PPEF2: variants seen among roughly 807,000 people sequenced by gnomAD.
PPEF2 encodes the protein serine/threonine-protein phosphatase with EF-hands 2.
A neutral mutation model predicts 84.7 loss-of-function variants in PPEF2; 84 were observed. The observed-to-expected ratio is 0.99, with a 90% CI of 0.83 to 1.19. The LOEUF is 1.19. PPEF2 is among the 50% of genes most tolerant of loss of function. PPEF2 has a pLI of 0.00. For missense variants in PPEF2, 924 were observed against 937.5 expected (o/e 0.99, Z 0.19); for synonymous variants, 346 against 345.2 (o/e 1.00, Z -0.03).
chr4:75,865,780 G>A (rs891995890), intron 15 of PPEF2, among the ~76,000 whole-genome samples: 7 of 152,190 alleles, frequency 4.6e-5, no homozygotes, highest in African/African-American at 1.2e-4. Context: ...TTGCACATAC[G>A]TTACATATTT....
chr4:75,866,584 A>G (rs1724137127), intron 14 of PPEF2: 4 of 572,534 alleles, frequency 7.0e-6, no homozygotes, highest in Admixed American at 3.0e-5. Flanking sequence ...AAGTATATAA[A>G]AGTGCCAAAT....
chr4:75,874,099 C>T (rs1393127074), intron 11 of PPEF2, among the ~76,000 whole-genome samples: 1 of 140,824 alleles, frequency 7.1e-6, no homozygotes, highest in Non-Finnish European at 1.5e-5. Flanking sequence ...CAGAGCGAGA[C>T]TCCACCTCAA....
Position 75,867,312 on chromosome 4 carries a change from C to T in PPEF2, c.1756+1G>A. 1 of 1,609,090 alleles carries T rather than the reference C, an allele frequency of 6.2e-7. No homozygotes were observed. The highest frequency in any genetic ancestry group is 8.5e-7 in the Non-Finnish European group (1 of 1,175,868). On this transcript the variant is annotated splice_donor_variant, in intron 14 of 16. Transcript: ENST00000286719. LOFTEE classifies it high-confidence loss of function. ...TGAATCTTTAACTTGATCATTCTTACCGACTTTATCTGCATCATGCTTCTT... is the reference window on the plus strand; with the variant it reads ...TGAATCTTTAACTTGATCATTCTTATCGACTTTATCTGCATCATGCTTCTT...
At chr4:75,889,789 G>A (rs914152132) in intron 5 of PPEF2, among the ~76,000 whole-genome samples, 168 bp downstream of exon 5, 2 of 152,190 alleles carry the variant, frequency 1.3e-5, no homozygotes, top group African/African-American at 4.8e-5. Context: ...ATCAGAACTG[G>A]CTGATTGACT....
At chr4:75,886,118 G>A (rs932540581) in intron 7 of PPEF2, among the ~76,000 whole-genome samples, 1 of 152,134 alleles carries the variant, frequency 6.6e-6, no homozygotes, top group African/African-American at 2.4e-5. Flanking sequence ...TCAGACATTC[G>A]GTGTATGTGC....
At chr4:75,892,788 C>G (rs550404443) in intron 2 of PPEF2, among the ~76,000 whole-genome samples, 1 of 152,246 alleles carries the variant, frequency 6.6e-6, no homozygotes, top group South Asian at 2.1e-4. Context: ...CCTGTGTGGT[C>G]AAGTATTGTT....
intron 13 of PPEF2, among the ~76,000 whole-genome samples, chr4:75,870,868 C>G (rs1724251480): frequency 1.4e-5 from 1 of 69,592 alleles, no homozygotes; most frequent in Admixed American, 1.4e-4. Context: ...AGAATCATCT[C>G]AAAAGCTACC....
rs1042677150 is a variant in PPEF2, at chr4:75,896,274, T to A, written c.52A>T (p.Arg18Ter). 1.9e-6 allele frequency: 3 copies of A among 1,613,982 alleles called. No homozygotes were observed. The highest frequency in any genetic ancestry group is 1.7e-5 in the Admixed American group (1 of 60,006). ...TTGGAAAGTGGGAAACACGTACCTCTCTCTGCATTCTGGAAAGCAAAATGA... is the reference window on the plus strand; with the variant it reads ...TTGGAAAGTGGGAAACACGTACCTCACTCTGCATTCTGGAAAGCAAAATGA... ...QHHFAFQNAERAFKAAALIQR... is the reference protein window; with the variant it reads ...QHHFAFQNAE Residue 18 changes from arginine to a stop codon, truncating the protein, a stop_gained, in exon 2 of 17, where the codon AGA becomes TGA. Coordinates refer to ENST00000286719, the MANE Select transcript of PPEF2 (RefSeq NM_006239.3). LOFTEE classifies it high-confidence loss of function.
At chr4:75,896,032 G>T (rs1186235347) in intron 2 of PPEF2, among the ~76,000 whole-genome samples, 1 of 152,140 alleles carries the variant, frequency 6.6e-6, no homozygotes, top group Admixed American at 6.5e-5. Flanking sequence ...TACCTGGGTA[G>T]TTTGGGATCA....
chr4:75,863,362 T>C (rs1185779227), intron 16 of PPEF2, among the ~76,000 whole-genome samples: 1 of 149,090 alleles, frequency 6.7e-6, no homozygotes, highest in African/African-American at 2.5e-5. Context: ...TAGCCAGGTG[T>C]GGTGGCACAC....
At chr4:75,866,167 T>C in intron 15 of PPEF2, 22 bp downstream of exon 15, 1 of 1,593,722 alleles carries the variant, frequency 6.3e-7, no homozygotes, top group Non-Finnish European at 8.6e-7. Context: ...TGTGCTCTCA[T>C]CCACCATTAC....
At position 75,896,286 on chromosome 4, in the gene PPEF2, G is replaced by A. The variant is rs767786975; in HGVS notation, c.40C>T (p.Gln14Ter). ...GTSTQHHFAF[Q>*]NAERAFKAAA... ...AAACACGTACCTCTCTCTGCATTCT[G>A]GAAAGCAAAATGATGTTGGGTGGAG... Residue 14 changes from glutamine (Q) to a stop codon, truncating the protein, a stop_gained, in exon 2 of 17, where the codon CAG becomes TAG. Coordinates refer to ENST00000286719, the MANE Select transcript of PPEF2 (RefSeq NM_006239.3). LOFTEE classifies it high-confidence loss of function. The A allele has an allele frequency of 6.2e-7, 1 of 1,614,174 alleles. No homozygotes were observed. The highest frequency in any genetic ancestry group is 1.1e-5 in the South Asian group (1 of 91,084).
In PPEF2 at chr4:75,888,226, TCTC is replaced by T. The variant is rs1376663797; in HGVS notation, c.517_519del (p.Glu173del). The T allele has an allele frequency of 1.2e-5, 20 of 1,610,384 alleles. No individual in the cohort carries two copies. The highest frequency in any genetic ancestry group is 1.5e-5 in the Non-Finnish European group (18 of 1,176,658). ...GACCAGCTCTTACCACACACTGTGATCTCCTCACTGTAACAGGTTGAGACCCGG... is the reference window on the plus strand; with the variant it reads ...GACCAGCTCTTACCACACACTGTGATCTCACTGTAACAGGTTGAGACCCGG... On this transcript the variant is annotated inframe_deletion, in exon 6 of 17. Transcript: ENST00000286719.
At chr4:75,872,259 G>C (rs1245101492) in intron 12 of PPEF2, 92 bp from the exon 13 acceptor site, 1 of 1,263,204 alleles carries the variant, frequency 7.9e-7, no homozygotes, top group Non-Finnish European at 1.1e-6. Context: ...TGCAGAAGCT[G>C]CTGTTTCTCC....
At chr4:75,873,063 G>T in intron 12 of PPEF2, 64 bp downstream of exon 12, 1 of 1,471,336 alleles carries the variant, frequency 6.8e-7, no homozygotes, top group Non-Finnish European at 9.3e-7. Flanking sequence ...GCTCATCCAG[G>T]CCTGAGCCCT....
intron 11 of PPEF2, 52 bp downstream of exon 11, chr4:75,876,235 T>C: frequency 6.5e-7 from 1 of 1,529,420 alleles, no homozygotes; most frequent in East Asian, 2.3e-5. Context: ...GAAGGGAGAG[T>C]TTTGACCTGT....
chr4:75,883,522 TA>T (rs1037433810), intron 8 of PPEF2: 383 of 290,846 alleles, frequency 1.3e-3, no homozygotes, highest in Middle Eastern at 2.4e-3. Context: ...ATGTGTAAAT[TA>T]AAAAAAAAAT....
Position 75,860,570 on chromosome 4 carries a change from TC to T in PPEF2, c.*96del. 6.7e-7 allele frequency: 1 copy of T among 1,487,028 alleles called. No individual in the cohort carries two copies. The highest frequency in any genetic ancestry group is 9.1e-7 in the Non-Finnish European group (1 of 1,093,364). 92.1% of individuals were successfully genotyped at this position (1,487,028 alleles called of 1,614,324 possible). A position where few individuals can be genotyped will look rare whatever the true frequency, so the allele number is the denominator to read the frequency against. On this transcript the variant is annotated 3_prime_UTR_variant, in exon 17 of 17. Transcript: ENST00000286719. Reference sequence around the variant, plus strand: ...CTGATGCATATGGATAGGTAAATTTTCAGCATAAAGTTTCACATGGAGAATA... The same window carrying T: ...CTGATGCATATGGATAGGTAAATTTTAGCATAAAGTTTCACATGGAGAATA...
chr4:75,870,905 T>TTA (rs5859480), intron 13 of PPEF2, among the ~76,000 whole-genome samples: 1 of 105,414 alleles, frequency 9.5e-6, no homozygotes, highest in Non-Finnish European at 2.1e-5. Flanking sequence ...ATTTATTTAT[T>TTA]TTTATTTTAC....
Sources: allele counts gnomAD v4.1 joint callset (sites outside exome capture counted in the v4.1 genomes callset), GRCh38; gene constraint gnomAD v4.1.1; transcripts MANE v1.5; gene names NCBI Gene and HGNC (gene_info 2026-07-23, HGNC 2026-07-21).